The following CLCF1 variants were observed in gnomAD, a reference collection of about 807,000 sequenced individuals.
The protein encoded by CLCF1 is cardiotrophin-like cytokine factor 1.
In CLCF1, 10 loss-of-function variants were observed where a neutral mutation model predicts 21.2. The observed-to-expected ratio is 0.47, with a 90% CI of 0.29 to 0.80. The LOEUF is 0.80. CLCF1 is among the 30% of genes least tolerant of loss of function. The pLI, the probability that CLCF1 is intolerant of heterozygous loss-of-function variation, is 0.09. For missense variants in CLCF1, 240 were observed against 293.4 expected, an observed-to-expected ratio of 0.82 and a Z score of 1.33; for synonymous variants, 115 against 120.5, an observed-to-expected ratio of 0.95 and a Z score of 0.30.
At chr11:67,367,941 T>A in intron 1 of CLCF1, 18 of 985,406 alleles carry the variant, frequency 1.8e-5, no homozygotes, top group Non-Finnish European at 2.2e-5. Flanking sequence ...CATGTATATG[T>A]GTGTACATGG....
At chr11:67,370,103 T>A in intron 1 of CLCF1, 5 of 984,020 alleles carry the variant, frequency 5.1e-6, no homozygotes, top group Non-Finnish European at 6.0e-6. Context: ...GGAGAAGAGG[T>A]TAGGAGAAAA....
At chr11:67,368,265 T>A (rs1315305149) in intron 1 of CLCF1, 1 of 985,004 alleles carries the variant, frequency 1.0e-6, no homozygotes, top group Non-Finnish European at 1.2e-6. Context: ...TAGGGTGGGG[T>A]TAGATTGAAG....
upstream of CLCF1, chr11:67,373,796 A>C: frequency 1.1e-5 from 5 of 443,036 alleles, no homozygotes; most frequent in Non-Finnish European, 1.3e-5. Flanking sequence ...AGGGGGGAGG[A>C]GGGAAGGGAG....
intron 1 of CLCF1, chr11:67,370,844 C>T (rs1282806137): frequency 2.0e-6 from 2 of 985,434 alleles, no homozygotes; most frequent in Non-Finnish European, 2.4e-6. Context: ...ATGGGAGTCT[C>T]TGCACCTGGG....
Position 67,365,166 on chromosome 11 carries a change from G to A in CLCF1, c.648C>T (p.Val216=), listed in dbSNP as rs1457006240. The change falls in exon 3 of 3, where the codon GTC becomes GTT. Residue 216 remains valine (V), a synonymous_variant. Coordinates refer to ENST00000312438, the MANE Select transcript of CLCF1 (RefSeq NM_013246.3). The surrounding 1 kb of genome is among the most constrained non-coding windows in gnomAD (Gnocchi z 5.0). ...KKKMQPPAAA[V]TLHLGAHGF is the part of the protein sequence containing the mutation. ...AGCCATGAGCCCCCAGGTGCAGGGTGACTGCAGCTGCTGGAGGCTGCATCT... is the reference window on the plus strand; with the variant it reads ...AGCCATGAGCCCCCAGGTGCAGGGTAACTGCAGCTGCTGGAGGCTGCATCT... 1 of 1,614,020 alleles carries A rather than the reference G, an allele frequency of 6.2e-7. No individual in the cohort carries two copies.
Position 67,365,759 on chromosome 11 carries a change from T to A in CLCF1, c.184-129A>T. The A allele has an allele frequency of 7.3e-7, 1 of 1,367,668 alleles. No individual in the cohort carries two copies. Among genetic ancestry groups the A allele is most frequent in the Non-Finnish European group, 9.8e-7 (1 of 1,022,638 alleles). 84.7% of individuals were successfully genotyped at this position (1,367,668 alleles called of 1,614,324 possible). A position where few individuals can be genotyped will look rare whatever the true frequency, so the allele number is the denominator to read the frequency against. On this transcript the variant is annotated intron_variant, in intron 2 of 2. Coordinates refer to ENST00000312438, the MANE Select transcript of CLCF1 (RefSeq NM_013246.3). This position sits in a 1 kb window ranked among gnomAD's most constrained non-coding sequence, Gnocchi z 5.0. ...ACTGGCCCTGTCTCCATGCTAGGCT[T>A]CTTTGTTCATGGCCTCCCTGAGTTT... is the stretch of plus-strand genomic sequence containing the variant.
At position 67,367,489 on chromosome 11, in the gene CLCF1, G is replaced by A. The variant is rs1862136467; in HGVS notation, c.154C>T (p.His52Tyr). 1 of 1,614,116 alleles carries A rather than the reference G, an allele frequency of 6.2e-7. No homozygotes were observed. The highest frequency in any genetic ancestry group is 8.5e-7 in the Non-Finnish European group (1 of 1,180,036). Reference protein sequence around the residue: ...KTYDLTRYLEHQLRSLAGTYL... With the variant: ...KTYDLTRYLEYQLRSLAGTYL... ...GTCCCAGCCAAGCTGCGGAGTTGGT[G>A]CTCCAGGTAGCGGGTGAGGTCATAG... Residue 52 changes from histidine to tyrosine, a missense_variant, in exon 2 of 3, where the codon CAC becomes TAC. By Grantham distance (83) the His-to-Tyr change is moderately conservative. Coordinates refer to ENST00000312438, the MANE Select transcript of CLCF1 (RefSeq NM_013246.3).
rs754424165 is a variant in CLCF1, at chr11:67,365,410, T to C, written c.404A>G (p.His135Arg). The C allele has an allele frequency of 6.2e-6, 10 of 1,613,260 alleles. No individual in the cohort carries two copies. The South Asian group carries it at 9.9e-5, about 16-fold the overall frequency. ...ATAELRRSLA[H>R]FCTSLQGLLG... ...CAGGCCCTGGAGGCTGGTGCAGAAG[T>C]GGGCCAGGCTGCGGCGCAGCTCAGC... The change falls in exon 3 of 3, where the codon CAC becomes CGC. Residue 135 changes from histidine (H) to arginine (R), a missense_variant. Transcript: ENST00000312438. This position sits in a 1 kb window ranked among gnomAD's most constrained non-coding sequence, Gnocchi z 5.0.
chr11:67,369,970 C>T, intron 1 of CLCF1: 2 of 985,048 alleles, frequency 2.0e-6, no homozygotes, highest in African/African-American at 1.7e-5. Context: ...CCGGTGTTTC[C>T]AGGAATATTT....
chr11:67,373,790 G>T, upstream of CLCF1: 1 of 1,090,710 alleles, frequency 9.2e-7, no homozygotes, highest in Non-Finnish European at 1.1e-6. Flanking sequence ...GGTAGGAGGG[G>T]GGAGGAGGGA....
In CLCF1 at chr11:67,367,446, CG is replaced by C. The variant is rs749497999; in HGVS notation, c.183+13del. On this transcript the variant is annotated intron_variant, in intron 2 of 2. Coordinates refer to ENST00000312438, the MANE Select transcript of CLCF1 (RefSeq NM_013246.3). Reference sequence around the variant, plus strand: ...CTCCTCCCCAACTCCCAGATTCCTACGCTGGATACTCACATAGGTCCCAGCC... The same window carrying C: ...CTCCTCCCCAACTCCCAGATTCCTACCTGGATACTCACATAGGTCCCAGCC... The C allele has an allele frequency of 1.9e-6, 3 of 1,614,200 alleles. No homozygotes were observed. Among genetic ancestry groups the C allele is most frequent in the Non-Finnish European group, 2.5e-6 (3 of 1,180,028 alleles).
chr11:67,367,183 C>A (rs1030507116), intron 2 of CLCF1, among the ~76,000 whole-genome samples: 2 of 151,970 alleles, frequency 1.3e-5, no homozygotes. Flanking sequence ...CTTCCCCGGC[C>A]CCCAGGGGGA....
At chr11:67,373,762 G>A (rs1276500607), upstream of CLCF1, 53 of 1,130,764 alleles carry the variant, frequency 4.7e-5, no homozygotes, top group Non-Finnish European at 5.6e-5. Flanking sequence ...AAATTGTAGC[G>A]GCCCTCCCCG....
chr11:67,371,131 C>T (rs926227324), intron 1 of CLCF1: 20 of 959,898 alleles, frequency 2.1e-5, no homozygotes, highest in East Asian at 1.2e-4. Flanking sequence ...GCCCCAGGGG[C>T]GTGTCCTGAC....
intron 1 of CLCF1, chr11:67,367,982 T>C (rs900204068): frequency 3.3e-4 from 324 of 985,132 alleles, no homozygotes; most frequent in Non-Finnish European, 3.9e-4. Flanking sequence ...GGACTGCAGG[T>C]CGACCTGCCT....
rs1862249062 is a variant in CLCF1, at chr11:67,372,162, A to G, written c.16+1362T>C. ...ACAGAGGTGTCCCTGGGTTAGGGTCAGAGAAGGAGGACCCAGTAGAGCAGC... is the reference window on the plus strand; with the variant it reads ...ACAGAGGTGTCCCTGGGTTAGGGTCGGAGAAGGAGGACCCAGTAGAGCAGC... On this transcript the variant is annotated intron_variant, in intron 1 of 2. Coordinates refer to ENST00000312438, the MANE Select transcript of CLCF1 (RefSeq NM_013246.3). The surrounding 1 kb of genome is among the most constrained non-coding windows in gnomAD (Gnocchi z 5.9). Among the ~76,000 whole-genome samples the G allele has an allele frequency of 6.6e-6, 1 of 152,072 alleles. No homozygotes were observed.
chr11:67,370,712 G>C, intron 1 of CLCF1: 1 of 985,364 alleles, frequency 1.0e-6, no homozygotes, highest in Non-Finnish European at 1.2e-6. Flanking sequence ...CATGTCTTTA[G>C]CCACTTTAGC....
Position 67,364,415 on chromosome 11 carries a change from A to G in CLCF1, c.*721T>C, listed in dbSNP as rs1192090192. The G allele has an allele frequency of 6.6e-6, 1 of 152,504 alleles. No homozygotes were observed. The highest frequency in any genetic ancestry group is 1.5e-5 in the Non-Finnish European group (1 of 68,034). 9.4% of individuals were successfully genotyped at this position (152,504 alleles called of 1,614,324 possible). On this transcript the variant is annotated 3_prime_UTR_variant, in exon 3 of 3. Transcript: ENST00000312438. ...CTCCCCAGCCTGGCAACCCACAGAT[A>G]CCCTGGGAAAGGGGGCAGAGAAGAG... is the stretch of plus-strand genomic sequence containing the variant.
chr11:67,366,849 C>T (rs1373312176), intron 2 of CLCF1, among the ~76,000 whole-genome samples: 1 of 152,100 alleles, frequency 6.6e-6, no homozygotes, highest in Non-Finnish European at 1.5e-5. Context: ...CTCGGCTCCT[C>T]CAACCCTCCT....
Sources: gnomAD v4.1 joint callset for allele counts (sites outside exome capture counted in the v4.1 genomes callset) on GRCh38, gnomAD v4.1.1 for gene constraint, Gnocchi (gnomAD v3.1) non-coding constraint, MANE v1.5 for transcripts, NCBI Gene and HGNC (gene_info 2026-07-23, HGNC 2026-07-21) for gene names.